Variants in GRTP1 observed in about 807,000 individuals in gnomAD.
GRTP1 encodes the protein growth hormone regulated TBC protein 1, also known as growth hormone-regulated TBC protein 1.
GRTP1 carries 56 observed loss-of-function variants against 38.1 expected under a neutral mutation model. The observed-to-expected ratio is 1.47, with a 90% confidence interval of 1.19 to 1.84. The LOEUF (loss-of-function observed/expected upper bound fraction) is 1.84, where lower values mean the gene tolerates loss of function less well. GRTP1 is among the 40% of genes most tolerant of loss of function. The probability of loss-of-function intolerance (pLI) is 0.00; values close to 1 mark genes in which losing one functional copy is unlikely to be tolerated. For missense variants in GRTP1, 506 were observed against 453.9 expected, an observed-to-expected ratio of 1.11 and a Z score of -1.04; for synonymous variants, 217 against 189.5, an observed-to-expected ratio of 1.14 and a Z score of -1.19.
intron 5 of GRTP1, among the ~76,000 whole-genome samples, chr13:113,334,827 C>A (rs2042931660): frequency 6.6e-6 from 1 of 152,024 alleles, no homozygotes; most frequent in South Asian, 2.1e-4. Context: ...TTGGCTAATT[C>A]TTTTCTTTTG....
At chr13:113,362,919 C>T (rs1402078921) in intron 2 of GRTP1, among the ~76,000 whole-genome samples, 1 of 152,236 alleles carries the variant, frequency 6.6e-6, no homozygotes, top group African/African-American at 2.4e-5. Context: ...CCCAGGCAGA[C>T]ACTTCATTCA....
At position 113,355,417 on chromosome 13, in the gene GRTP1, A is replaced by C; in HGVS notation, c.246T>G (p.Ser82Arg). The change falls in exon 3 of 8, where the codon AGT becomes AGG. Residue 82 changes from serine to arginine, a missense_variant. Ser to Arg is a moderately radical substitution (Grantham distance 110). Coordinates refer to ENST00000375431, the MANE Select transcript of GRTP1 (RefSeq NM_024719.4). ...EHRARVWMVL[S>R]GAQAQMDQNP... The stretch of plus-strand genomic sequence containing the variant: ...TCTGGTCCATCTGCGCCTGGGCCCC[A>C]CTCAGCACCATCCAGACGCGGGCAC... The C allele has an allele frequency of 6.2e-7, 1 of 1,613,996 alleles. No homozygotes were observed. Among genetic ancestry groups the C allele is most frequent in the Non-Finnish European group, 8.5e-7 (1 of 1,179,974 alleles).
In GRTP1 at chr13:113,326,078, C is replaced by T. The variant is rs201875292; in HGVS notation, c.576G>A (p.Pro192=). ...VGRILPDYYS[P]AMLGLKTDQE... is the part of the protein sequence containing the mutation. Reference sequence around the variant, plus strand: ...GGTCGGTCTTCAGGCCCAGCATGGCCGGGCTGTAGTAATCTGCCAGGCAAT... The same window carrying T: ...GGTCGGTCTTCAGGCCCAGCATGGCTGGGCTGTAGTAATCTGCCAGGCAAT... The change falls in exon 6 of 8, where the codon CCG becomes CCA. Residue 192 remains proline (P), a synonymous_variant. Coordinates refer to ENST00000375431, the MANE Select transcript of GRTP1 (RefSeq NM_024719.4). The T allele has an allele frequency of 8.9e-5, 143 of 1,609,536 alleles. No individual in the cohort carries two copies. Among genetic ancestry groups the T allele is most frequent in the Middle Eastern group, 1.6e-4 (1 of 6,062 alleles).
intron 6 of GRTP1, 36 bp from the exon 7 acceptor site, chr13:113,325,882 C>A: frequency 6.2e-7 from 1 of 1,613,736 alleles, no homozygotes; most frequent in Non-Finnish European, 8.5e-7. Flanking sequence ...CACTCCCTGG[C>A]GGCCCGCCCG....
intron 4 of GRTP1, among the ~76,000 whole-genome samples, chr13:113,345,450 C>T (rs1269332410): frequency 2.6e-5 from 4 of 152,250 alleles, no homozygotes; most frequent in Admixed American, 6.5e-5. Context: ...CGGGTGCTGC[C>T]TCCAACATCA....
chr13:113,358,323 T>C (rs1170787369), intron 2 of GRTP1, among the ~76,000 whole-genome samples: 3 of 152,178 alleles, frequency 2.0e-5, no homozygotes, highest in African/African-American at 7.2e-5. Flanking sequence ...AGCAATCAAA[T>C]AAGACTGAAA....
intron 5 of GRTP1, among the ~76,000 whole-genome samples, chr13:113,334,209 C>G (rs2042921719): frequency 6.6e-6 from 1 of 150,984 alleles, no homozygotes; most frequent in Non-Finnish European, 1.5e-5. Flanking sequence ...ACATGAGAAA[C>G]TCTCTGTAGG....
intron 2 of GRTP1, among the ~76,000 whole-genome samples, chr13:113,356,192 AAC>A (rs758494272): frequency 6.6e-6 from 1 of 152,136 alleles, no homozygotes; most frequent in African/African-American, 2.4e-5. Flanking sequence ...TAACCTACAA[AAC>A]AGTTAATTTT....
Position 113,348,437 on chromosome 13 carries a change from C to T in GRTP1, c.465+2412G>A, listed in dbSNP as rs1595501019. On this transcript the variant is annotated intron_variant, in intron 4 of 7. Transcript: ENST00000375431. This position sits in a 1 kb window ranked among gnomAD's most constrained non-coding sequence, Gnocchi z 4.8. ...CTGCACTCCAGCCTGGGTGACAGAGCGAGACCGTGTGCACTGTGTAACTCT... is the reference window on the plus strand; with the variant it reads ...CTGCACTCCAGCCTGGGTGACAGAGTGAGACCGTGTGCACTGTGTAACTCT... Among the ~76,000 whole-genome samples, 1 of 152,088 alleles carries T rather than the reference C, an allele frequency of 6.6e-6. No homozygotes were observed.
intron 3 of GRTP1, 34 bp downstream of exon 3, chr13:113,355,289 G>A: frequency 1.2e-6 from 2 of 1,607,858 alleles, no homozygotes; most frequent in Non-Finnish European, 1.7e-6. Flanking sequence ...CGGCCCCCGG[G>A]CCCTGCACCA....
intron 5 of GRTP1, among the ~76,000 whole-genome samples, chr13:113,327,574 G>C (rs1255357586): frequency 6.6e-6 from 1 of 152,218 alleles, no homozygotes; most frequent in Non-Finnish European, 1.5e-5. Flanking sequence ...TGAGCACACA[G>C]TGAAGTCGGT....
chr13:113,327,946 C>T (rs1372226490), intron 5 of GRTP1, among the ~76,000 whole-genome samples: 1 of 152,228 alleles, frequency 6.6e-6, no homozygotes. Context: ...AGGCGCTGAA[C>T]TCATTCCCTA....
rs779886120 is a variant in GRTP1, at chr13:113,364,098, C to A, written c.-47G>T. 4.9e-6 allele frequency: 6 copies of A among 1,226,978 alleles called. No individual in the cohort carries two copies. In the South Asian group the frequency reaches 2.0e-4, roughly 40 times the overall value. The allele number at this position is 1,226,978 out of a possible 1,614,324, so 76.0% of individuals were successfully genotyped here. On this transcript the variant is annotated 5_prime_UTR_variant, in exon 1 of 8. Coordinates refer to ENST00000375431, the MANE Select transcript of GRTP1 (RefSeq NM_024719.4). Reference sequence around the variant, plus strand: ...GAGCGAGGCCAGCGGGTCCCAAGTTCGCCTCCCGGCTCCGGGGCGCTTAAG... The same window carrying A: ...GAGCGAGGCCAGCGGGTCCCAAGTTAGCCTCCCGGCTCCGGGGCGCTTAAG...
upstream of GRTP1, chr13:113,364,143 G>A: frequency 1.1e-6 from 1 of 886,914 alleles, no homozygotes; most frequent in Non-Finnish European, 1.4e-6. Flanking sequence ...CGGGACCGCG[G>A]GCGCGTGGGG....
At chr13:113,338,910 T>A (rs1313574528) in intron 5 of GRTP1, among the ~76,000 whole-genome samples, 2 of 4,010 alleles carry the variant, frequency 5.0e-4, no homozygotes, top group African/African-American at 5.2e-4. Context: ...CTGCTTAGAT[T>A]TTTTTTTTTT....
At position 113,348,451 on chromosome 13, in the gene GRTP1, CTGTGT is replaced by C. The variant is rs1240400978; in HGVS notation, c.465+2393_465+2397del. Among the ~76,000 whole-genome samples, 1 of 152,156 alleles carries C rather than the reference CTGTGT, an allele frequency of 6.6e-6. No individual in the cohort carries two copies. Among genetic ancestry groups the C allele is most frequent in the Non-Finnish European group, 1.5e-5 (1 of 68,028 alleles). On this transcript the variant is annotated intron_variant, in intron 4 of 7. Transcript: ENST00000375431. This position sits in a 1 kb window ranked among gnomAD's most constrained non-coding sequence, Gnocchi z 4.8. Reference sequence around the variant, plus strand: ...GGGTGACAGAGCGAGACCGTGTGCACTGTGTAACTCTACACATATGCCACACATTG... The same window carrying C: ...GGGTGACAGAGCGAGACCGTGTGCACAACTCTACACATATGCCACACATTG...
At chr13:113,334,662 G>T (rs531271025) in intron 5 of GRTP1, among the ~76,000 whole-genome samples, 1 of 152,296 alleles carries the variant, frequency 6.6e-6, no homozygotes, top group South Asian at 2.1e-4. Flanking sequence ...TCTAACTGGG[G>T]TGGGCAGAGC....
Position 113,350,906 on chromosome 13 carries a change from G to A in GRTP1, c.408C>T (p.Thr136=), listed in dbSNP as rs373869023. The change falls in exon 4 of 8, where the codon ACC becomes ACT. Residue 136 remains threonine, a synonymous_variant. Transcript: ENST00000375431. Reference sequence around the variant, plus strand: ...CATATGCCAGCAGCACATTGTACAGGGTCCTCTGTAAGCAGGGGTCCGTGG... The same window carrying A: ...CATATGCCAGCAGCACATTGTACAGAGTCCTCTGTAAGCAGGGGTCCGTGG... ...RKTTDPCLQR[T]LYNVLLAYGH... The A allele has an allele frequency of 6.2e-7, 1 of 1,612,226 alleles. No individual in the cohort carries two copies. The highest frequency in any genetic ancestry group is 8.5e-7 in the Non-Finnish European group (1 of 1,178,576).
rs76667792 is a variant in GRTP1, at chr13:113,337,511, G to T, written c.562+7352C>A. On this transcript the variant is annotated intron_variant, in intron 5 of 7. Coordinates refer to ENST00000375431, the MANE Select transcript of GRTP1 (RefSeq NM_024719.4). ...CAATGACTTTTTTCCCTAATATATA[G>T]AGTTCTTTTAAAAAAAAGTAGCTTA... 1.4e-4 allele frequency among the ~76,000 whole-genome samples: 22 copies of T among 152,266 alleles called. No homozygotes were observed. In the East Asian group the frequency reaches 4.2e-3, roughly 29 times the overall value.
Sources: allele counts gnomAD v4.1 joint callset (sites outside exome capture counted in the v4.1 genomes callset), GRCh38; gene constraint gnomAD v4.1.1; non-coding constraint Gnocchi (gnomAD v3.1); transcripts MANE v1.5; gene names NCBI Gene and HGNC (gene_info 2026-07-23, HGNC 2026-07-21).